The following SCAMP4 variants were observed in gnomAD, a reference collection of about 807,000 sequenced individuals.
SCAMP4 encodes secretory carrier membrane protein 4, also known as secretory carrier-associated membrane protein 4.
Under a neutral mutation model 32.1 loss-of-function variants are expected in SCAMP4, and 19 were observed. The observed-to-expected ratio is 0.59, with a 90% confidence interval of 0.41 to 0.87. The LOEUF is 0.87. Ranked by LOEUF, SCAMP4 falls within the 40% of genes least tolerant of loss-of-function variation. The pLI is 0.00. For synonymous variants in SCAMP4, 152 were observed against 132.7 expected, an observed-to-expected ratio of 1.15 and a Z score of -1.00; for missense variants, 302 against 309.0, an observed-to-expected ratio of 0.98 and a Z score of 0.17.
At chr19:1,921,179 T>C (rs2013908729) in intron 5 of SCAMP4, 1 of 985,146 alleles carries the variant, frequency 1.0e-6, no homozygotes, top group Non-Finnish European at 1.2e-6. Context: ...CCGCTCTCCC[T>C]GTCCTGGGCG....
intron 5 of SCAMP4, chr19:1,922,531 G>A (rs531903949): frequency 2.8e-4 from 276 of 985,458 alleles, no homozygotes; most frequent in Non-Finnish European, 2.9e-4. Flanking sequence ...CTCTGCGCCC[G>A]GCCTCCTCAT....
chr19:1,919,537 C>T (rs549008582), intron 5 of SCAMP4: 2 of 869,174 alleles, frequency 2.3e-6, no homozygotes, highest in African/African-American at 3.8e-5. Context: ...TGCTCTGTCA[C>T]CCAGGCTGGG....
At chr19:1,914,015 C>G (rs953342610) in intron 1 of SCAMP4, among the ~76,000 whole-genome samples, 12 of 152,258 alleles carry the variant, frequency 7.9e-5, no homozygotes, top group African/African-American at 2.9e-4. Context: ...GAGTCCGTGC[C>G]TGGGGGTGGG....
At chr19:1,906,551 T>G (rs1481442138) in intron 1 of SCAMP4, 1 of 150,224 alleles carries the variant, frequency 6.7e-6, no homozygotes, top group Non-Finnish European at 1.5e-5. Flanking sequence ...AATAAATAAA[T>G]AAAATACATA....
Position 1,915,632 on chromosome 19 carries a change from C to T in SCAMP4, c.7+606C>T, listed in dbSNP as rs142991176. ...TACTGGAGCAGGGCGAGCTCTCATC[C>T]CAGTGCCTGCTGTGTTTATAAGAAG... On this transcript the variant is annotated intron_variant, in intron 2 of 6. Coordinates refer to ENST00000316097, the MANE Select transcript of SCAMP4 (RefSeq NM_079834.4). 3.7e-3 allele frequency: 575 copies of T among 156,026 alleles called. 2 individuals are homozygous for T. Among genetic ancestry groups the T allele is most frequent in the Middle Eastern group, 0.02 (6 of 298 alleles). The allele number at this position is 156,026 out of a possible 1,614,324, so 9.7% of individuals were successfully genotyped here.
intron 1 of SCAMP4, among the ~76,000 whole-genome samples, chr19:1,911,447 C>T (rs2145433927): frequency 6.6e-6 from 1 of 152,332 alleles, no homozygotes; most frequent in East Asian, 1.9e-4. Flanking sequence ...GCTGGGATTA[C>T]AGGCGTGAGC....
At chr19:1,921,112 G>T (rs570173685) in intron 5 of SCAMP4, 1 of 985,326 alleles carries the variant, frequency 1.0e-6, no homozygotes, top group Non-Finnish European at 1.2e-6. Context: ...CATGTCCACC[G>T]TTGGCTTAGT....
Position 1,924,204 on chromosome 19 carries a change from C to G in SCAMP4, c.610C>G (p.Gln204Glu), listed in dbSNP as rs1398981554. 6 of 1,609,510 alleles carry G rather than the reference C, an allele frequency of 3.7e-6. No individual in the cohort carries two copies. Among genetic ancestry groups the G allele is most frequent in the Middle Eastern group, 1.6e-4 (1 of 6,082 alleles). ...GCGGAACCCACCGTCGAGGGAGGCC[C>G]AGTACAACAACTTCTCAGGCAACAG... The part of the protein sequence containing the change: ...TWRNPPSREA[Q>E]YNNFSGNSLP... The change falls in exon 7 of 7, where the codon CAG (glutamine) becomes GAG (glutamate). Residue 204 changes from glutamine (Q) to glutamate (E), a missense_variant. Coordinates refer to ENST00000316097, the MANE Select transcript of SCAMP4 (RefSeq NM_079834.4).
chr19:1,922,669 C>G, intron 5 of SCAMP4: 1 of 989,108 alleles, frequency 1.0e-6, no homozygotes, highest in South Asian at 4.7e-5. Flanking sequence ...AGGCTGGGTT[C>G]TTAGTAGCAG....
chr19:1,913,108 G>T, intron 1 of SCAMP4: 3 of 1,591,760 alleles, frequency 1.9e-6, no homozygotes, highest in Non-Finnish European at 1.7e-6. Context: ...GTGTTCCGCG[G>T]GGTGCTGGAG....
intron 5 of SCAMP4, chr19:1,919,639 G>A (rs2013856047): frequency 5.6e-6 from 1 of 177,498 alleles, no homozygotes; most frequent in Non-Finnish European, 1.1e-5. Flanking sequence ...TGGGACTACA[G>A]GCGCCCGCCA....
Position 1,919,256 on chromosome 19 carries a change from C to T in SCAMP4, c.395+266C>T, listed in dbSNP as rs559068403. On this transcript the variant is annotated intron_variant, in intron 5 of 6. Transcript: ENST00000316097. ...CTGGCAGTGCCTGCGTCCTCGCCAG[C>T]GCCCAGCCAGGCTTGTCTCCTGAGT... 57 of 1,320,918 alleles carry T rather than the reference C, an allele frequency of 4.3e-5. No homozygotes were observed. In the African/African-American group the frequency reaches 5.3e-4, roughly 12 times the overall value. 81.8% of individuals were successfully genotyped at this position (1,320,918 alleles called of 1,614,324 possible).
chr19:1,920,002 G>T, intron 5 of SCAMP4: 1 of 267,486 alleles, frequency 3.7e-6, no homozygotes, highest in Non-Finnish European at 5.8e-6. Context: ...TAAGAGACGG[G>T]GTTTCACCAT....
In SCAMP4 at chr19:1,924,292, C is replaced by CTT. The variant is rs748324244; in HGVS notation, c.*9_*10insTT. 6 of 1,578,812 alleles carry CTT rather than the reference C, an allele frequency of 3.8e-6. No homozygotes were observed. In the East Asian group the frequency reaches 1.4e-4, roughly 37 times the overall value. On this transcript the variant is annotated 3_prime_UTR_variant, in exon 7 of 7. Coordinates refer to ENST00000316097, the MANE Select transcript of SCAMP4 (RefSeq NM_079834.4). The stretch of plus-strand genomic sequence containing the variant: ...AGTGGCCAGTGGCCTTAGAGGGAGC[C>CTT]TGCCCTGCCCCCACCGCCCACCACC...
chr19:1,913,379 C>A, intron 1 of SCAMP4: 1 of 642,286 alleles, frequency 1.6e-6, no homozygotes, highest in Non-Finnish European at 2.7e-6. Context: ...GCCCTTGCTG[C>A]GTTTGTGTCC....
At chr19:1,907,843 G>A (rs1265474358) in intron 1 of SCAMP4, among the ~76,000 whole-genome samples, 5 of 152,148 alleles carry the variant, frequency 3.3e-5, no homozygotes, top group Non-Finnish European at 1.5e-5. Context: ...GTGGGAGTGA[G>A]TCGTCCCCCC....
chr19:1,923,595 C>T (rs959001475), intron 6 of SCAMP4, among the ~76,000 whole-genome samples: 1 of 138,620 alleles, frequency 7.2e-6, no homozygotes, highest in Non-Finnish European at 1.5e-5. Flanking sequence ...ATAACAGAAA[C>T]TTTCAGTTAC....
rs140304605 is a variant in SCAMP4, at chr19:1,908,652, G to A, written c.-42+3213G>A. ...AGCACACAGGTAGTAAGGTTTTTAG[G>A]ATTTTATTATTATTTATTTATTTGA... On this transcript the variant is annotated intron_variant, in intron 1 of 6. Transcript: ENST00000316097. This position sits in a 1 kb window ranked among gnomAD's most constrained non-coding sequence, Gnocchi z 4.2. The A allele has an allele frequency of 0.029, 13,127 of 446,382 alleles. 256 individuals carry two copies. Among genetic ancestry groups the A allele is most frequent in the Non-Finnish European group, 0.038 (8,376 of 218,344 alleles). The allele number at this position is 446,382 out of a possible 1,614,324, so 27.7% of individuals were successfully genotyped here.
At chr19:1,909,392 G>C (rs1253626901) in intron 1 of SCAMP4, among the ~76,000 whole-genome samples, 2 of 152,208 alleles carry the variant, frequency 1.3e-5, no homozygotes, top group South Asian at 4.1e-4. Context: ...GATCCCGAGA[G>C]CTGGGGGCCC....
Sources: gnomAD v4.1 joint callset for allele counts (sites outside exome capture counted in the v4.1 genomes callset) on GRCh38, gnomAD v4.1.1 for gene constraint, Gnocchi (gnomAD v3.1) non-coding constraint, MANE v1.5 for transcripts, NCBI Gene and HGNC (gene_info 2026-07-23, HGNC 2026-07-21) for gene names.